ERBB4: variants seen among roughly 807,000 people sequenced by gnomAD.
ERBB4 encodes the protein receptor tyrosine-protein kinase erbB-4.
Under a neutral mutation model 158.0 loss-of-function variants are expected in ERBB4, and 42 were observed. That is an observed-to-expected ratio of 0.27 (90% CI 0.21 to 0.34). ERBB4 has a LOEUF of 0.34. Ranked by LOEUF, ERBB4 falls within the 10% of genes least tolerant of loss-of-function variation. The pLI, the probability that ERBB4 is intolerant of heterozygous loss-of-function variation, is 1.00. For missense variants in ERBB4, 1,333 were observed against 1,624.1 expected (o/e 0.82, Z 3.08); for synonymous variants, 583 against 558.7 (o/e 1.04, Z -0.61).
chr2:212,324,040 T>C (rs1002282150), intron 1 of ERBB4, among the ~76,000 whole-genome samples: 2 of 150,376 alleles, frequency 1.3e-5, no homozygotes, highest in African/African-American at 4.8e-5. Flanking sequence ...ATATCGTAAG[T>C]CAACATGTGT....
At chr2:211,549,093 A>G (rs1053452129) in intron 20 of ERBB4, among the ~76,000 whole-genome samples, 1 of 152,038 alleles carries the variant, frequency 6.6e-6, no homozygotes, top group Admixed American at 6.5e-5. Flanking sequence ...TAAAATATCA[A>G]TTGACGTTTT....
rs2062577013 is a variant in ERBB4 at position 211,381,760 on chromosome 2, A to T, written c.*1855T>A. 1 of 230,988 alleles carries T rather than the reference A, an allele frequency of 4.3e-6. No individual in the cohort carries two copies. The highest frequency in any genetic ancestry group is 2.2e-5 in the African/African-American group (1 of 45,242). The allele number at this position is 230,988 out of a possible 1,614,324, so 14.3% of individuals were successfully genotyped here. ...CTCTAAACTTTCTCTGCCTTAATAG[A>T]TATTTTTACTCTAATTAATTAATCT... On this transcript the variant is annotated 3_prime_UTR_variant, in exon 28 of 28. Transcript: ENST00000342788.
chr2:211,640,449 T>A (rs1363693793), intron 16 of ERBB4, among the ~76,000 whole-genome samples: 1 of 152,158 alleles, frequency 6.6e-6, no homozygotes, highest in Non-Finnish European at 1.5e-5. Flanking sequence ...TCTTGCAGGA[T>A]TAATGAACAA....
intron 20 of ERBB4, among the ~76,000 whole-genome samples, chr2:211,554,920 C>A (rs1426135910): frequency 6.6e-6 from 1 of 152,202 alleles, no homozygotes; most frequent in Non-Finnish European, 1.5e-5. Flanking sequence ...AACAGAAACA[C>A]CTCACATACA....
rs267599191 is a variant in ERBB4 at position 211,623,993 on chromosome 2, G to A, written c.2131C>T (p.Arg711Cys). ...SGTAPNQAQL[R>C]ILKETELKRV... Reference sequence around the variant, plus strand: ...TTCAGCTCAGTTTCTTTCAAAATACGAAGTTGAGCTTGATTGGGTGCTGTG... The same window carrying A: ...TTCAGCTCAGTTTCTTTCAAAATACAAAGTTGAGCTTGATTGGGTGCTGTG... Residue 711 changes from arginine to cysteine, a missense_variant, in exon 18 of 28, where the codon CGT (arginine) becomes TGT (cysteine). Transcript: ENST00000342788. The A allele has an allele frequency of 7.4e-6, 12 of 1,614,030 alleles. No individual in the cohort carries two copies. The highest frequency in any genetic ancestry group is 3.3e-5 in the South Asian group (3 of 91,078).
intron 25 of ERBB4, among the ~76,000 whole-genome samples, chr2:211,414,750 C>A (rs960989472): frequency 6.6e-6 from 1 of 151,968 alleles, no homozygotes; most frequent in Non-Finnish European, 1.5e-5. Flanking sequence ...GAGAAGTCTC[C>A]CTCCTCCATC....
intron 1 of ERBB4, among the ~76,000 whole-genome samples, chr2:212,204,247 A>G (rs1227066310): frequency 6.6e-6 from 1 of 152,168 alleles, no homozygotes. Context: ...CTAATTGGAG[A>G]TTGGCCTTTC....
chr2:211,912,142 T>C (rs1219423204), intron 3 of ERBB4, among the ~76,000 whole-genome samples: 1 of 152,092 alleles, frequency 6.6e-6, no homozygotes, highest in Non-Finnish European at 1.5e-5. Context: ...TTTTAGTTAG[T>C]GTCCAGTAAA....
At chr2:211,833,717 T>A (rs2077275436) in intron 3 of ERBB4, among the ~76,000 whole-genome samples, 1 of 151,884 alleles carries the variant, frequency 6.6e-6, no homozygotes. Context: ...TTAGCATAAT[T>A]GTTCAAGCAG....
At chr2:212,346,934 A>G (rs2089030417) in intron 1 of ERBB4, among the ~76,000 whole-genome samples, 1 of 152,156 alleles carries the variant, frequency 6.6e-6, no homozygotes, top group South Asian at 2.1e-4. Context: ...CACTTTTGCA[A>G]CAACATTCTT....
At chr2:211,816,451 G>A (rs1489230032) in intron 3 of ERBB4, among the ~76,000 whole-genome samples, 3 of 141,084 alleles carry the variant, frequency 2.1e-5, no homozygotes, top group Non-Finnish European at 3.0e-5. Flanking sequence ...TGAGGCACGA[G>A]AATTACTTGA....
chr2:211,795,069 G>C, intron 3 of ERBB4, among the ~76,000 whole-genome samples: 1 of 151,808 alleles, frequency 6.6e-6, no homozygotes, highest in South Asian at 2.1e-4. Context: ...TTAACTTCTT[G>C]CCTGTAATCT....
chr2:212,149,545 GA>G (rs1236526858), intron 1 of ERBB4, among the ~76,000 whole-genome samples: 3 of 152,128 alleles, frequency 2.0e-5, no homozygotes, highest in African/African-American at 4.8e-5. Flanking sequence ...GGTAGAAATA[GA>G]AACAGCGGCA....
intron 20 of ERBB4, among the ~76,000 whole-genome samples, chr2:211,469,379 G>A (rs923941921): frequency 6.6e-6 from 1 of 152,102 alleles, no homozygotes; most frequent in African/African-American, 2.4e-5. Context: ...CTTTCCAGCA[G>A]GAAAGTTTTC....
In ERBB4 at chr2:211,703,971, C is replaced by G. The variant is rs556877748; in HGVS notation, c.1289+133G>C. On this transcript the variant is annotated intron_variant, in intron 11 of 27. Transcript: ENST00000342788. Reference sequence around the variant, plus strand: ...TCGGAGGTATTTTTATTGAGCTTATCTTTGGAAATAAGGATGGAAGCATGA... The same window carrying G: ...TCGGAGGTATTTTTATTGAGCTTATGTTTGGAAATAAGGATGGAAGCATGA... 31 of 725,274 alleles carry G rather than the reference C, an allele frequency of 4.3e-5. 1 individual carries two copies. The highest frequency in any genetic ancestry group is 4.7e-4 in the Middle Eastern group (2 of 4,296). 44.9% of individuals were successfully genotyped at this position (725,274 alleles called of 1,614,324 possible). A position where few individuals can be genotyped will look rare whatever the true frequency, so the allele number is the denominator to read the frequency against.
chr2:211,494,871 C>T (rs987737888), intron 20 of ERBB4, among the ~76,000 whole-genome samples: 6 of 152,008 alleles, frequency 3.9e-5, no homozygotes, highest in African/African-American at 1.4e-4. Context: ...TTTTAGGAAA[C>T]GAACTGTGTT....
chr2:211,817,405 G>C (rs73985880), intron 3 of ERBB4, among the ~76,000 whole-genome samples: 2,156 of 152,070 alleles, frequency 0.014, 63 homozygotes, highest in African/African-American at 0.05. Flanking sequence ...ACTTCTCTTT[G>C]GTATAGTTGC....
chr2:211,603,534 A>C (rs2068869186), intron 19 of ERBB4, among the ~76,000 whole-genome samples: 1 of 152,232 alleles, frequency 6.6e-6, no homozygotes, highest in Non-Finnish European at 1.5e-5. Flanking sequence ...GCTTGAAATA[A>C]ACATTTCTTT....
At chr2:211,604,100 A>G (rs999314049) in intron 19 of ERBB4, among the ~76,000 whole-genome samples, 18 of 152,318 alleles carry the variant, frequency 1.2e-4, no homozygotes, top group Admixed American at 2.0e-4. Context: ...GTAGTCTAAC[A>G]TATAGGTCAA....
Sources: allele counts gnomAD v4.1 joint callset (sites outside exome capture counted in the v4.1 genomes callset), GRCh38; gene constraint gnomAD v4.1.1; transcripts MANE v1.5; gene names NCBI Gene and HGNC (gene_info 2026-07-23, HGNC 2026-07-21).